Variants in DNAAF5 observed in about 807,000 individuals in gnomAD.
DNAAF5 encodes HEAT repeat containing 2.
In DNAAF5, 64 loss-of-function variants were observed where a neutral mutation model predicts 75.8. The observed-to-expected ratio is 0.84, with a 90% CI of 0.69 to 1.04. DNAAF5 has a LOEUF of 1.04. Among genes scored for constraint, DNAAF5 ranks in the 50% least tolerant of loss-of-function variants. The pLI is 0.00. For synonymous variants in DNAAF5, 657 were observed against 557.2 expected (o/e 1.18, Z -2.52); for missense variants, 1,269 against 1,178.5 (o/e 1.08, Z -1.12).
intron 8 of DNAAF5, among the ~76,000 whole-genome samples, chr7:768,011 TGTCCTTGC>T (rs1778387528): frequency 1.3e-5 from 2 of 149,912 alleles, no homozygotes; most frequent in East Asian, 2.0e-4. Context: ...CGGGCGGAAG[TGTCCTTGC>T]AGCGAGCAGG....
At chr7:771,591 T>C (rs1293475049) in intron 9 of DNAAF5, 2 of 152,256 alleles carry the variant, frequency 1.3e-5, no homozygotes, top group Non-Finnish European at 2.9e-5. Flanking sequence ...TGCAGGAAAT[T>C]TTGTTTCCTG....
chr7:784,048 C>T (rs1779070572), intron 12 of DNAAF5, among the ~76,000 whole-genome samples: 2 of 146,520 alleles, frequency 1.4e-5, no homozygotes. Context: ...CCCCACCGCA[C>T]ATCCGCCTGG....
intron 12 of DNAAF5, among the ~76,000 whole-genome samples, chr7:783,166 C>T (rs1383225987): frequency 6.6e-6 from 1 of 152,254 alleles, no homozygotes; most frequent in South Asian, 2.1e-4. Context: ...CTGCCAGATC[C>T]CGCGTCCGCA....
At chr7:768,074 C>T (rs4719256) in intron 8 of DNAAF5, among the ~76,000 whole-genome samples, 24,335 of 143,328 alleles carry the variant, frequency 0.17, 1,905 homozygotes, top group East Asian at 0.3. Flanking sequence ...CGGAAGTGTC[C>T]GTGCAGCGAG....
chr7:729,332 C>G (rs1257926643), intron 1 of DNAAF5, among the ~76,000 whole-genome samples: 1 of 152,202 alleles, frequency 6.6e-6, no homozygotes, highest in African/African-American at 2.4e-5. Flanking sequence ...CCCGTCAGGC[C>G]TCCACCTTGG....
intron 2 of DNAAF5, among the ~76,000 whole-genome samples, chr7:738,009 C>T (rs1031166488): frequency 5.9e-5 from 9 of 152,180 alleles, no homozygotes; most frequent in East Asian, 1.9e-4. Context: ...CTTTCTACCC[C>T]GATTTCTCTC....
rs762711527 is a variant in DNAAF5, at chr7:770,518, G to T, written c.1831G>T (p.Ala611Ser). 6 of 1,613,758 alleles carry T rather than the reference G, an allele frequency of 3.7e-6. No homozygotes were observed. Among genetic ancestry groups the T allele is most frequent in the Non-Finnish European group, 5.1e-6 (6 of 1,180,008 alleles). The change falls in exon 9 of 13, where the codon GCC becomes TCC. Residue 611 changes from alanine (A) to serine (S), a missense_variant. Transcript: ENST00000297440. Reference sequence around the variant, plus strand: ...GCCACACGTCGTGCCCACGCTGAGGGCCTGTCTGCAGCCCTCCCAAGACCC... The same window carrying T: ...GCCACACGTCGTGCCCACGCTGAGGTCCTGTCTGCAGCCCTCCCAAGACCC... Reference protein sequence around the residue: ...ALPHVVPTLRACLQPSQDPQM... With the variant: ...ALPHVVPTLRSCLQPSQDPQM...
intron 8 of DNAAF5, among the ~76,000 whole-genome samples, chr7:767,290 T>G (rs1778338108): frequency 3.9e-5 from 2 of 51,626 alleles, no homozygotes; most frequent in South Asian, 1.8e-3. Context: ...TTTATCCAAT[T>G]AAGTGAAATA....
chr7:757,039 C>A, intron 6 of DNAAF5, 45 bp downstream of exon 6: 1 of 1,539,520 alleles, frequency 6.5e-7, no homozygotes, highest in Non-Finnish European at 8.8e-7. Context: ...AGGAGCCTCC[C>A]CTGCCCGGCC....
chr7:737,120 G>A (rs535345110), intron 2 of DNAAF5, among the ~76,000 whole-genome samples: 2 of 151,426 alleles, frequency 1.3e-5, no homozygotes, highest in East Asian at 3.9e-4. Flanking sequence ...TTTTGAGATG[G>A]AGTCTCACTC....
At chr7:770,884 C>A in intron 9 of DNAAF5, 1 of 414,716 alleles carries the variant, frequency 2.4e-6, no homozygotes, top group Non-Finnish European at 4.5e-6. Context: ...GTTCCCCACA[C>A]CAAGTCTGAG....
chr7:762,160 C>A (rs1562391221), intron 7 of DNAAF5, among the ~76,000 whole-genome samples: 1 of 152,180 alleles, frequency 6.6e-6, no homozygotes, highest in Non-Finnish European at 1.5e-5. Flanking sequence ...TAAGACGTAA[C>A]CTTTAAACCT....
Position 756,898 on chromosome 7 carries a change from C to A in DNAAF5, c.1374C>A (p.Ser458=), listed in dbSNP as rs150926878. The change falls in exon 6 of 13, where the codon TCC becomes TCA. Residue 458 remains serine (S), a synonymous_variant. Coordinates refer to ENST00000297440, the MANE Select transcript of DNAAF5 (RefSeq NM_017802.4). The stretch of plus-strand genomic sequence containing the variant: ...CCTCCGGCCTCCTGGTGCTGGCCTC[C>A]GCCATGCGGGGTTGCCCCCGAGAAG... ...PSASGLLVLA[S]AMRGCPREAL... 1.2e-6 allele frequency: 2 copies of A among 1,612,848 alleles called. No homozygotes were observed. The highest frequency in any genetic ancestry group is 1.7e-6 in the Non-Finnish European group (2 of 1,180,002).
chr7:782,264 C>G (rs1395509500), intron 12 of DNAAF5, among the ~76,000 whole-genome samples: 14 of 149,286 alleles, frequency 9.4e-5, no homozygotes, highest in African/African-American at 3.0e-4. Context: ...GCGGCGTGGC[C>G]ACCTCCCGAC....
At chr7:731,237 A>G (rs1302264697) in intron 2 of DNAAF5, among the ~76,000 whole-genome samples, 1 of 152,210 alleles carries the variant, frequency 6.6e-6, no homozygotes, top group Non-Finnish European at 1.5e-5. Flanking sequence ...GAAGCTCCAT[A>G]GCTGATAGCT....
At chr7:743,675 A>C (rs1583485162) in intron 4 of DNAAF5, among the ~76,000 whole-genome samples, 1 of 128,524 alleles carries the variant, frequency 7.8e-6, no homozygotes, top group African/African-American at 2.9e-5. Flanking sequence ...ACAGAGTTTC[A>C]CTCTTGTTGC....
chr7:728,023 C>T (rs538688992), intron 1 of DNAAF5, among the ~76,000 whole-genome samples: 194 of 152,146 alleles, frequency 1.3e-3, no homozygotes, highest in Middle Eastern at 3.4e-3. Flanking sequence ...CTTTCTGTCC[C>T]ATTCATCCTA....
chr7:730,517 C>G (rs992044271), intron 2 of DNAAF5, among the ~76,000 whole-genome samples: 4 of 152,160 alleles, frequency 2.6e-5, no homozygotes, highest in African/African-American at 9.7e-5. Context: ...CAGGTTTCAG[C>G]CTTGAAGAGG....
intron 8 of DNAAF5, among the ~76,000 whole-genome samples, chr7:766,353 A>T (rs1263888151): frequency 6.6e-6 from 1 of 152,168 alleles, no homozygotes; most frequent in African/African-American, 2.4e-5. Context: ...AGAAGACAAA[A>T]GGATTAAAAC....
Sources: allele counts gnomAD v4.1 joint callset (sites outside exome capture counted in the v4.1 genomes callset), GRCh38; gene constraint gnomAD v4.1.1; transcripts MANE v1.5; gene names NCBI Gene and HGNC (gene_info 2026-07-23, HGNC 2026-07-21).